The following RIC3 variants were observed in gnomAD, a reference collection of about 807,000 sequenced individuals.
RIC3 encodes the protein protein RIC-3.
In RIC3, 28 loss-of-function variants were observed where a neutral mutation model predicts 27.3. The ratio of observed to expected loss-of-function variants is 1.02; its 90% CI spans 0.76 to 1.41. RIC3 has a LOEUF of 1.41. RIC3 is among the 40% of genes most tolerant of loss of function. The pLI is 0.00. For synonymous variants in RIC3, 184 were observed against 160.4 expected, an observed-to-expected ratio of 1.15 and a Z score of -1.11; for missense variants, 501 against 444.7, an observed-to-expected ratio of 1.13 and a Z score of -1.14.
At chr11:8,095,769 G>A in the RIC3 span, 9 of 1,250,174 alleles carry the variant, frequency 7.2e-6, no homozygotes, top group African/African-American at 4.5e-5. Flanking sequence ...ACCCCTCCCT[G>A]GCAATGGTGG....
intron 1 of RIC3, among the ~76,000 whole-genome samples, chr11:8,150,551 T>C (rs571255425): frequency 1.6e-4 from 25 of 152,266 alleles, no homozygotes; most frequent in African/African-American, 6.0e-4. Context: ...GAGGAAACTC[T>C]AAGCTACCTA....
At position 8,111,188 on chromosome 11, in the gene RIC3, A is replaced by C. The variant is rs375828244; in HGVS notation, c.671-51T>G. 7,475 of 1,358,718 alleles carry C rather than the reference A, an allele frequency of 5.5e-3. 350 individuals are homozygous for C. The African/African-American group carries it at 0.097, about 18-fold the overall frequency. 84.2% of individuals were successfully genotyped at this position (1,358,718 alleles called of 1,614,324 possible). A position where few individuals can be genotyped will look rare whatever the true frequency, so the allele number is the denominator to read the frequency against. On this transcript the variant is annotated intron_variant, in intron 5 of 5. Transcript: ENST00000309737. ...TTACAAAGAATGTCTCCTCAAAAAAAAAAAAAATAGTGTCAGGTTCAAAGA... is the reference window on the plus strand; with the variant it reads ...TTACAAAGAATGTCTCCTCAAAAAACAAAAAAATAGTGTCAGGTTCAAAGA...
rs186674548 is a variant in RIC3 at position 8,161,760 on chromosome 11, C to T, written c.124+7106G>A. On this transcript the variant is annotated intron_variant, in intron 1 of 5. Coordinates refer to ENST00000309737, the MANE Select transcript of RIC3 (RefSeq NM_001206671.4). ...CCAGCAAAGTGCTGTAATCCCAGCA[C>T]GTTAGGAGGCTGAGGTGGGACAATG... Among the ~76,000 whole-genome samples, 402 of 152,194 alleles carry T rather than the reference C, an allele frequency of 2.6e-3. 3 individuals are homozygous for T. Among genetic ancestry groups the T allele is most frequent in the African/African-American group, 9.2e-3 (382 of 41,520 alleles).
chr11:8,168,352 T>G (rs1462920437), intron 1 of RIC3, among the ~76,000 whole-genome samples: 1 of 152,202 alleles, frequency 6.6e-6, no homozygotes. Context: ...TCAAGATATA[T>G]TTTTAAAGGC....
the RIC3 span, chr11:8,100,727 A>AG: frequency 1.3e-6 from 2 of 1,560,640 alleles, no homozygotes; most frequent in Non-Finnish European, 1.8e-6. Flanking sequence ...CTGGAGGTCT[A>AG]GGGAAATCCA....
At chr11:8,097,314 G>A in the RIC3 span, 44 of 1,614,032 alleles carry the variant, frequency 2.7e-5, no homozygotes, top group Non-Finnish European at 3.4e-5. Context: ...CACTGAGGCC[G>A]GCCCCCCAGG....
chr11:8,099,975 A>G, the RIC3 span, among the ~76,000 whole-genome samples: 1 of 152,208 alleles, frequency 6.6e-6, no homozygotes, highest in African/African-American at 2.4e-5. Flanking sequence ...AGTGAGCTGG[A>G]GAGCCACTGG....
At chr11:8,112,294 C>CTTTTTT (rs11376341) in intron 5 of RIC3, among the ~76,000 whole-genome samples, 7 of 124,314 alleles carry the variant, frequency 5.6e-5, no homozygotes, top group South Asian at 2.7e-4. Flanking sequence ...CTTTTCTTTT[C>CTTTTTT]TTTTTTTTTT....
chr11:8,100,490 T>C, the RIC3 span: 1 of 1,612,424 alleles, frequency 6.2e-7, no homozygotes, highest in East Asian at 2.2e-5. Context: ...CAGTGTTGCG[T>C]TCTCTTTCCC....
Position 8,139,965 on chromosome 11 carries a change from A to G in RIC3, c.351+2T>C. On this transcript the variant is annotated splice_donor_variant, in intron 2 of 5. Transcript: ENST00000309737. LOFTEE classifies it high-confidence loss of function. ...TAATATGATTAGGATGATTCTACTT[A>G]CCTTAAATAGAATGTACAGTATATA... The G allele has an allele frequency of 2.5e-6, 4 of 1,610,762 alleles. No individual in the cohort carries two copies. The highest frequency in any genetic ancestry group is 3.4e-6 in the Non-Finnish European group (4 of 1,177,222).
the RIC3 span, chr11:8,095,738 G>A: frequency 1.3e-5 from 19 of 1,476,872 alleles, no homozygotes; most frequent in Admixed American, 2.1e-5. Flanking sequence ...TTCTCTGGGA[G>A]CATGGCCTTC....
At chr11:8,151,554 C>T (rs1950224987) in intron 1 of RIC3, among the ~76,000 whole-genome samples, 1 of 126,256 alleles carries the variant, frequency 7.9e-6, no homozygotes, top group African/African-American at 3.5e-5. Flanking sequence ...CCACTGCACT[C>T]CAGCCTGGGC....
At chr11:8,098,728 G>T in the RIC3 span, 1 of 1,531,810 alleles carries the variant, frequency 6.5e-7, no homozygotes. Context: ...GAGGGTGCAT[G>T]ACTCTATACT....
intron 4 of RIC3, among the ~76,000 whole-genome samples, chr11:8,131,629 G>A (rs545627168): frequency 1.3e-5 from 2 of 152,082 alleles, no homozygotes; most frequent in Admixed American, 6.5e-5. Context: ...GGCCAGGTGC[G>A]GTGGCTCACG....
chr11:8,159,833 A>G (rs1383047216), intron 1 of RIC3, among the ~76,000 whole-genome samples: 1 of 152,140 alleles, frequency 6.6e-6, no homozygotes, highest in Non-Finnish European at 1.5e-5. Context: ...TCTACTAAAA[A>G]TACAAAAAAA....
chr11:8,099,483 C>T, the RIC3 span, among the ~76,000 whole-genome samples: 2 of 152,306 alleles, frequency 1.3e-5, no homozygotes, highest in South Asian at 2.1e-4. Flanking sequence ...TTGTATGATC[C>T]TGTGGTGCCA....
rs13221623 is a variant in RIC3, at chr11:8,141,224, T to C, written c.125-1031A>G. 2.5e-3 allele frequency among the ~76,000 whole-genome samples: 384 copies of C among 152,036 alleles called. 2 individuals are homozygous for C. The highest frequency in any genetic ancestry group is 9.0e-3 in the African/African-American group (371 of 41,416). Reference sequence around the variant, plus strand: ...AATGGACTAAATGCTCCAATTAAAATACACAGACTGGCAAATTGGATAAAG... The same window carrying C: ...AATGGACTAAATGCTCCAATTAAAACACACAGACTGGCAAATTGGATAAAG... On this transcript the variant is annotated intron_variant, in intron 1 of 5. Transcript: ENST00000309737.
chr11:8,153,526 C>T, intron 1 of RIC3: 1 of 360,154 alleles, frequency 2.8e-6, no homozygotes, highest in South Asian at 2.2e-5. Flanking sequence ...CTCTATGGCA[C>T]ATTACTCTTC....
At chr11:8,168,536 G>A (rs913603521) in intron 1 of RIC3, among the ~76,000 whole-genome samples, 2 of 152,312 alleles carry the variant, frequency 1.3e-5, no homozygotes, top group East Asian at 3.9e-4. Context: ...CAAAGCACGT[G>A]AACAAATGGT....
Sources: allele counts gnomAD v4.1 joint callset (sites outside exome capture counted in the v4.1 genomes callset), GRCh38; gene constraint gnomAD v4.1.1; transcripts MANE v1.5; gene names NCBI Gene and HGNC (gene_info 2026-07-23, HGNC 2026-07-21).